ITCH: variants seen among roughly 807,000 people sequenced by gnomAD.
The protein encoded by ITCH is E3 ubiquitin-protein ligase Itchy homolog.
ITCH carries 28 observed loss-of-function variants against 126.8 expected under a neutral mutation model. That is an observed-to-expected ratio of 0.22 (90% confidence interval 0.16 to 0.30). The LOEUF (loss-of-function observed/expected upper bound fraction) is 0.30. Ranked by LOEUF, ITCH falls within the 10% of genes least tolerant of loss-of-function variation. ITCH has a pLI of 1.00. For missense variants in ITCH, 631 were observed against 1,032.4 expected (o/e 0.61, Z 5.33); for synonymous variants, 342 against 340.0 (o/e 1.01, Z -0.06).
intron 23 of ITCH, among the ~76,000 whole-genome samples, chr20:34,495,287 TAAATAAA>T (rs1293919958): frequency 8.8e-5 from 6 of 68,044 alleles, no homozygotes; most frequent in Non-Finnish European, 1.4e-4. Flanking sequence ...AATAAATAAA[TAAATAAA>T]ATATATATAT....
intron 4 of ITCH, among the ~76,000 whole-genome samples, chr20:34,410,340 G>A (rs549661521): frequency 2.8e-4 from 42 of 150,838 alleles, no homozygotes; most frequent in African/African-American, 9.0e-4. Flanking sequence ...GTGCCATTGC[G>A]TTCCAGCCAG....
chr20:34,433,857 A>G (rs1196678314), intron 7 of ITCH, among the ~76,000 whole-genome samples: 1 of 152,146 alleles, frequency 6.6e-6, no homozygotes, highest in Admixed American at 6.5e-5. Flanking sequence ...AGTCACATCC[A>G]ATGAGAAGGA....
intron 11 of ITCH, among the ~76,000 whole-genome samples, chr20:34,449,084 T>G (rs1984833159): frequency 6.6e-6 from 1 of 152,128 alleles, no homozygotes; most frequent in Non-Finnish European, 1.5e-5. Context: ...AAATGACTTT[T>G]GGGGGGGTTA....
chr20:34,472,901 C>T (rs1243157801), intron 16 of ITCH, among the ~76,000 whole-genome samples: 2 of 152,176 alleles, frequency 1.3e-5, no homozygotes, highest in Admixed American at 1.3e-4. Context: ...TTCATAACCA[C>T]CCTTTTATCA....
intron 7 of ITCH, among the ~76,000 whole-genome samples, chr20:34,425,395 T>TA (rs755284150): frequency 9.9e-5 from 15 of 152,198 alleles, no homozygotes; most frequent in Non-Finnish European, 2.1e-4. Context: ...GGAAAAACCT[T>TA]ACATCCTCCA....
intron 3 of ITCH, among the ~76,000 whole-genome samples, chr20:34,405,502 A>G (rs2039029260): frequency 6.6e-6 from 1 of 151,894 alleles, no homozygotes; most frequent in South Asian, 2.1e-4. Flanking sequence ...CGAAACTCCT[A>G]TCTCAAAAAA....
At chr20:34,400,021 C>T (rs1158744608) in intron 3 of ITCH, among the ~76,000 whole-genome samples, 1 of 151,986 alleles carries the variant, frequency 6.6e-6, no homozygotes, top group Non-Finnish European at 1.5e-5. Flanking sequence ...TCACTGCAAC[C>T]TCTGACTCCC....
intron 12 of ITCH, among the ~76,000 whole-genome samples, chr20:34,455,676 C>T (rs1170290552): frequency 2.0e-5 from 3 of 151,020 alleles, no homozygotes; most frequent in Non-Finnish European, 2.9e-5. Context: ...CGGGGTTTCA[C>T]CATGTTGCCC....
chr20:34,434,333 A>AT, intron 7 of ITCH, among the ~76,000 whole-genome samples: 1 of 152,310 alleles, frequency 6.6e-6, no homozygotes, highest in South Asian at 2.1e-4. Context: ...TGCACTAACT[A>AT]TATTAACTGC....
chr20:34,427,476 G>A (rs1568929078), intron 7 of ITCH, among the ~76,000 whole-genome samples: 1 of 152,142 alleles, frequency 6.6e-6, no homozygotes, highest in South Asian at 2.1e-4. Flanking sequence ...GTTAGGCCTG[G>A]TGGCACGTGC....
At chr20:34,490,620 G>A (rs1600484393) in intron 22 of ITCH, among the ~76,000 whole-genome samples, 1 of 152,162 alleles carries the variant, frequency 6.6e-6, no homozygotes, top group Non-Finnish European at 1.5e-5. Context: ...TCCAGCCTGG[G>A]TGACAGAGCA....
At chr20:34,380,873 C>T (rs2038034632) in intron 2 of ITCH, among the ~76,000 whole-genome samples, 1 of 152,116 alleles carries the variant, frequency 6.6e-6, no homozygotes, top group South Asian at 2.1e-4. Flanking sequence ...CTGTAATCTC[C>T]ACCTCCCGGG....
chr20:34,442,341 T>G, intron 10 of ITCH, 38 bp downstream of exon 10: 6 of 1,416,144 alleles, frequency 4.2e-6, no homozygotes, highest in Non-Finnish European at 6.0e-6. Flanking sequence ...TTTTATTTAG[T>G]CAGAATTGTG....
intron 14 of ITCH, among the ~76,000 whole-genome samples, chr20:34,468,590 A>G (rs1012873462): frequency 2.0e-5 from 3 of 151,882 alleles, no homozygotes; most frequent in Non-Finnish European, 4.4e-5. Context: ...CAGGAGTTTG[A>G]GACCAGCCTG....
chr20:34,420,129 C>T (rs546651724), intron 6 of ITCH, among the ~76,000 whole-genome samples: 40 of 152,160 alleles, frequency 2.6e-4, no homozygotes, highest in African/African-American at 8.9e-4. Context: ...ATACAATTAA[C>T]GGTTATATAA....
At chr20:34,487,012 G>GTTTTTT (rs34815799) in intron 20 of ITCH, among the ~76,000 whole-genome samples, 12 of 107,820 alleles carry the variant, frequency 1.1e-4, no homozygotes, top group South Asian at 3.0e-4. Flanking sequence ...TATTTGTTAG[G>GTTTTTT]TTTTTTTTTT....
intron 13 of ITCH, among the ~76,000 whole-genome samples, chr20:34,461,439 A>C (rs1319439472): frequency 1.3e-5 from 2 of 151,990 alleles, no homozygotes; most frequent in Non-Finnish European, 2.9e-5. Flanking sequence ...GGCTGGGCGC[A>C]GTGGCTCACG....
intron 24 of ITCH, 83 bp from the exon 25 acceptor site, chr20:34,507,611 AG>A: frequency 9.8e-7 from 1 of 1,020,408 alleles, no homozygotes; most frequent in Non-Finnish European, 1.5e-6. Context: ...GTGCTTCTAT[AG>A]TAGTGTATAA....
intron 6 of ITCH, among the ~76,000 whole-genome samples, chr20:34,418,512 T>C (rs1980267441): frequency 6.6e-6 from 1 of 152,128 alleles, no homozygotes; most frequent in Non-Finnish European, 1.5e-5. Context: ...TGATAATGTT[T>C]CTTACTAGAA....
Sources: gnomAD v4.1 joint callset for allele counts (sites outside exome capture counted in the v4.1 genomes callset) on GRCh38, gnomAD v4.1.1 for gene constraint, MANE v1.5 for transcripts, NCBI Gene and HGNC (gene_info 2026-07-23, HGNC 2026-07-21) for gene names.